Variants in TBC1D5 observed in about 807,000 individuals in gnomAD.
TBC1D5 encodes the protein TBC1 domain family, member 5.
TBC1D5 carries 75 observed loss-of-function variants against 100.3 expected under a neutral mutation model. The ratio of observed to expected loss-of-function variants is 0.75; its 90% CI spans 0.62 to 0.91. TBC1D5 has a LOEUF of 0.91. Among genes scored for constraint, TBC1D5 ranks in the 40% least tolerant of loss-of-function variants. The pLI is 0.00. For missense variants in TBC1D5, 910 were observed against 942.4 expected (o/e 0.97, Z 0.45); for synonymous variants, 323 against 325.6 (o/e 0.99, Z 0.09).
rs935161724 is a variant in TBC1D5, at chr3:17,497,076, T to A, written c.97+11398A>T. Among the ~76,000 whole-genome samples, 13 of 129,442 alleles carry A rather than the reference T, an allele frequency of 1.0e-4. No individual in the cohort carries two copies. The East Asian group carries it at 1.8e-3, about 18-fold the overall frequency. 84.9% of individuals were successfully genotyped at this position (129,442 alleles called of 152,430 possible). A position where few individuals can be genotyped will look rare whatever the true frequency, so the allele number is the denominator to read the frequency against. On this transcript the variant is annotated intron_variant, in intron 3 of 21. Transcript: ENST00000253692. ...AGATGCCTCTCTCTCTCTTTCTTTC[T>A]CTCTCTCTCTGACACACACACACAC... is the stretch of plus-strand genomic sequence containing the variant.
intron 17 of TBC1D5, among the ~76,000 whole-genome samples, chr3:17,227,506 G>T (rs989875650): frequency 3.9e-5 from 6 of 151,978 alleles, no homozygotes; most frequent in African/African-American, 1.5e-4. Context: ...ATACACCATG[G>T]AATTCTATAC....
At chr3:17,542,265 T>C (rs1395330934) in intron 2 of TBC1D5, among the ~76,000 whole-genome samples, 3 of 152,168 alleles carry the variant, frequency 2.0e-5, no homozygotes, top group Admixed American at 1.3e-4. Context: ...CACTCCAGCC[T>C]GGGCAACAGA....
intron 2 of TBC1D5, among the ~76,000 whole-genome samples, chr3:17,572,156 C>T (rs983532912): frequency 6.6e-6 from 1 of 151,926 alleles, no homozygotes; most frequent in African/African-American, 2.4e-5. Flanking sequence ...GCTTTCCCTG[C>T]TTATTCCTGC....
chr3:17,289,583 G>A (rs984346943), intron 15 of TBC1D5, among the ~76,000 whole-genome samples: 6 of 150,366 alleles, frequency 4.0e-5, no homozygotes, highest in South Asian at 2.1e-4. Context: ...GCAGTGAGCC[G>A]AGACCACACC....
At chr3:17,485,811 T>C (rs1023635893) in intron 3 of TBC1D5, among the ~76,000 whole-genome samples, 7 of 151,944 alleles carry the variant, frequency 4.6e-5, no homozygotes, top group Non-Finnish European at 1.0e-4. Context: ...TACGTGTGCA[T>C]GTGTCTTTAT....
chr3:17,548,365 T>A (rs947102861), intron 2 of TBC1D5, among the ~76,000 whole-genome samples: 1 of 152,076 alleles, frequency 6.6e-6, no homozygotes, highest in Non-Finnish European at 1.5e-5. Context: ...AAAACAAGCA[T>A]ACCTGATGGC....
intron 1 of TBC1D5, among the ~76,000 whole-genome samples, chr3:17,696,760 C>G (rs2072176396): frequency 6.6e-6 from 1 of 152,140 alleles, no homozygotes; most frequent in Non-Finnish European, 1.5e-5. Flanking sequence ...TTTATGAGGC[C>G]AACATCTTCC....
At chr3:17,567,904 A>G (rs1228496420) in intron 2 of TBC1D5, among the ~76,000 whole-genome samples, 5 of 151,718 alleles carry the variant, frequency 3.3e-5, no homozygotes, top group South Asian at 2.1e-4. Flanking sequence ...AAAGACCAAA[A>G]GATATTCAAG....
chr3:17,328,170 TG>T (rs2151087648), intron 13 of TBC1D5, among the ~76,000 whole-genome samples: 1 of 152,014 alleles, frequency 6.6e-6, no homozygotes, highest in South Asian at 2.1e-4. Flanking sequence ...CTTGGGAGGC[TG>T]AAGTGGGAGG....
intron 13 of TBC1D5, among the ~76,000 whole-genome samples, chr3:17,314,421 T>C (rs924572845): frequency 6.6e-6 from 1 of 152,042 alleles, no homozygotes; most frequent in Non-Finnish European, 1.5e-5. Flanking sequence ...TTCTAAGCAG[T>C]AAGTGATCAG....
At chr3:17,565,083 C>CCTAAAACCTGTTCTGGGG (rs1324279216) in intron 2 of TBC1D5, among the ~76,000 whole-genome samples, 1 of 152,090 alleles carries the variant, frequency 6.6e-6, no homozygotes, top group East Asian at 1.9e-4. Context: ...ACTTATTACT[C>CCTAAAACCTGTTCTGGGG]CTAAAACCTG....
intron 19 of TBC1D5, among the ~76,000 whole-genome samples, chr3:17,168,605 G>A (rs1013537968): frequency 3.9e-5 from 6 of 152,222 alleles, no homozygotes; most frequent in African/African-American, 1.4e-4. Context: ...ATTCTCGCAA[G>A]GGGCCGGGGT....
chr3:17,192,188 A>G (rs977206955), intron 18 of TBC1D5, among the ~76,000 whole-genome samples: 9 of 152,032 alleles, frequency 5.9e-5, no homozygotes, highest in African/African-American at 2.2e-4. Flanking sequence ...TATTTTTGTA[A>G]TAAGAAAATC....
At chr3:17,740,272 G>T (rs1453099031) in exon 1 of TBC1D5, 2 of 151,642 alleles carry the variant, frequency 1.3e-5, no homozygotes, top group Non-Finnish European at 2.9e-5. Context: ...AGGTGGCAGT[G>T]AGCCGAGATC....
At chr3:17,718,505 G>A (rs1006678272) in intron 1 of TBC1D5, among the ~76,000 whole-genome samples, 1 of 152,126 alleles carries the variant, frequency 6.6e-6, no homozygotes, top group Non-Finnish European at 1.5e-5. Flanking sequence ...GCTGAGGCAG[G>A]AAAATGGCAT....
At chr3:17,615,699 G>A (rs549875825) in intron 2 of TBC1D5, among the ~76,000 whole-genome samples, 173 of 152,254 alleles carry the variant, frequency 1.1e-3, no homozygotes, top group African/African-American at 3.9e-3. Context: ...ATTCTCTGAT[G>A]GTAGTTTGTA....
intron 3 of TBC1D5, among the ~76,000 whole-genome samples, chr3:17,437,942 C>T (rs60580179): frequency 0.062 from 9,406 of 152,132 alleles, 562 homozygotes; most frequent in African/African-American, 0.15. Flanking sequence ...TAATGACTAA[C>T]AATAAAGCAC....
intron 2 of TBC1D5, among the ~76,000 whole-genome samples, chr3:17,576,918 CCTCA>C (rs1265983542): frequency 1.3e-5 from 2 of 151,890 alleles, no homozygotes; most frequent in African/African-American, 2.4e-5. Flanking sequence ...TAAAAATTTA[CCTCA>C]CTAATTTATA....
intron 14 of TBC1D5, among the ~76,000 whole-genome samples, chr3:17,297,373 G>A (rs889339648): frequency 6.6e-6 from 1 of 152,084 alleles, no homozygotes; most frequent in Non-Finnish European, 1.5e-5. Context: ...TCAGGAGATT[G>A]AGACCATCCT....
Sources: allele counts gnomAD v4.1 joint callset (sites outside exome capture counted in the v4.1 genomes callset), GRCh38; gene constraint gnomAD v4.1.1; transcripts MANE v1.5; gene names NCBI Gene and HGNC (gene_info 2026-07-23, HGNC 2026-07-21).